Variants in RIN2 observed in about 807,000 individuals in gnomAD.
RIN2 encodes the protein RAB5 interacting protein 2.
Under a neutral mutation model 78.0 loss-of-function variants are expected in RIN2, and 36 were observed. The observed-to-expected ratio is 0.46, with a 90% CI of 0.35 to 0.61. The LOEUF is 0.61. Among genes scored for constraint, RIN2 ranks in the 20% least tolerant of loss-of-function variants. RIN2 has a pLI of 0.00. For synonymous variants in RIN2, 466 were observed against 466.8 expected (o/e 1.00, Z 0.02); for missense variants, 1,087 against 1,159.7 (o/e 0.94, Z 0.91).
intron 10 of RIN2, among the ~76,000 whole-genome samples, chr20:19,990,696 C>A: frequency 6.6e-6 from 1 of 152,076 alleles, no homozygotes; most frequent in East Asian, 1.9e-4. Context: ...CCGGATGTCA[C>A]CCTTTCTTTC....
intron 4 of RIN2, among the ~76,000 whole-genome samples, chr20:19,954,862 C>T (rs925303359): frequency 1.3e-5 from 2 of 152,080 alleles, no homozygotes; most frequent in African/African-American, 2.4e-5. Flanking sequence ...TCTTAGGCCT[C>T]GGTCTTCTCA....
chr20:19,787,626 CTGT>C (rs1172891160), intron 1 of RIN2, among the ~76,000 whole-genome samples: 2 of 152,022 alleles, frequency 1.3e-5, no homozygotes, highest in African/African-American at 4.8e-5. Flanking sequence ...GTTGCCTCAT[CTGT>C]TGTTATGAAG....
intron 1 of RIN2, among the ~76,000 whole-genome samples, chr20:19,792,416 T>G (rs2034917682): frequency 6.6e-6 from 1 of 152,102 alleles, no homozygotes; most frequent in Non-Finnish European, 1.5e-5. Flanking sequence ...TCCACCCGGG[T>G]CATCAGAGGG....
chr20:19,798,405 C>A (rs1018906266), intron 1 of RIN2, among the ~76,000 whole-genome samples: 1 of 151,526 alleles, frequency 6.6e-6, no homozygotes, highest in Non-Finnish European at 1.5e-5. Context: ...CATCTGTGTG[C>A]GAGATTTCCA....
chr20:19,946,411 G>A (rs572347769), intron 4 of RIN2, among the ~76,000 whole-genome samples: 2 of 152,170 alleles, frequency 1.3e-5, no homozygotes, highest in Non-Finnish European at 2.9e-5. Context: ...GCATGTAGAT[G>A]TATCTACAGG....
chr20:19,971,796 C>T (rs973036429), intron 8 of RIN2, among the ~76,000 whole-genome samples: 1 of 131,414 alleles, frequency 7.6e-6, no homozygotes, highest in Non-Finnish European at 1.5e-5. Flanking sequence ...GGCTGGAGTG[C>T]AGTGTTGAGA....
At chr20:19,834,073 G>T (rs144293785) in intron 2 of RIN2, among the ~76,000 whole-genome samples, 200 of 152,220 alleles carry the variant, frequency 1.3e-3, no homozygotes, top group African/African-American at 4.3e-3. Context: ...CCTTGTGCTG[G>T]GTGCAAGGTT....
chr20:19,986,524 A>G (rs914755439), intron 9 of RIN2, among the ~76,000 whole-genome samples: 1 of 152,210 alleles, frequency 6.6e-6, no homozygotes, highest in African/African-American at 2.4e-5. Context: ...AGATTTCCAC[A>G]GCCCCTTTTA....
chr20:19,881,227 T>C (rs1479059121), intron 2 of RIN2, among the ~76,000 whole-genome samples: 3 of 152,214 alleles, frequency 2.0e-5, no homozygotes, highest in Non-Finnish European at 4.4e-5. Flanking sequence ...TCCAAGTCTG[T>C]TGATGTCACA....
intron 1 of RIN2, among the ~76,000 whole-genome samples, chr20:19,788,297 T>G (rs983597826): frequency 1.3e-5 from 2 of 151,926 alleles, no homozygotes; most frequent in African/African-American, 2.4e-5. Context: ...GTTATTAAAA[T>G]TAGAAAATAA....
At chr20:19,771,858 C>T (rs965017414) in intron 1 of RIN2, among the ~76,000 whole-genome samples, 14 of 152,214 alleles carry the variant, frequency 9.2e-5, no homozygotes, top group Non-Finnish European at 4.4e-5. Context: ...TCTCCCTTCT[C>T]AAGCCTCCTG....
At chr20:19,998,486 C>A (rs889687716) in intron 12 of RIN2, among the ~76,000 whole-genome samples, 2 of 152,072 alleles carry the variant, frequency 1.3e-5, no homozygotes, top group Non-Finnish European at 2.9e-5. Flanking sequence ...TGGTGCACAC[C>A]TGTAGTCCCA....
In RIN2 at chr20:19,764,918, G is replaced by GTTTTTTTTTTTTTTTTTTTTTTT. The variant is rs10605325; in HGVS notation, c.-163+6594_-163+6616dup. Among the ~76,000 whole-genome samples, 4 of 50,390 alleles carry GTTTTTTTTTTTTTTTTTTTTTTT rather than the reference G, an allele frequency of 7.9e-5. 1 individual carries two copies. The highest frequency in any genetic ancestry group is 2.6e-4 in the African/African-American group (4 of 15,516). The allele number at this position is 50,390 out of a possible 152,430, so 33.1% of individuals were successfully genotyped here. On this transcript the variant is annotated intron_variant, in intron 1 of 12. Transcript: ENST00000255006. ...GGGCAAGTCCCACTTCACTTTCTGC[G>GTTTTTTTTTTTTTTTTTTTTTTT]TTTTTTTTTTTTTTTTTTTTTTTTT... is the stretch of plus-strand genomic sequence containing the variant.
At chr20:19,766,444 A>G (rs1379844515) in intron 1 of RIN2, among the ~76,000 whole-genome samples, 3 of 152,122 alleles carry the variant, frequency 2.0e-5, no homozygotes, top group African/African-American at 7.2e-5. Context: ...GGGCAGATTC[A>G]AGGTTGGTTC....
intron 2 of RIN2, among the ~76,000 whole-genome samples, chr20:19,802,413 T>C (rs955439843): frequency 7.3e-5 from 11 of 151,474 alleles, no homozygotes; most frequent in African/African-American, 2.7e-4. Context: ...GGCAGGAGGA[T>C]TGCTTGAGGA....
chr20:19,854,507 T>G (rs547292559), intron 2 of RIN2, among the ~76,000 whole-genome samples: 2 of 152,188 alleles, frequency 1.3e-5, no homozygotes, highest in Non-Finnish European at 2.9e-5. Flanking sequence ...TCTTCCTATC[T>G]ATGAGCATGG....
intron 3 of RIN2, among the ~76,000 whole-genome samples, chr20:19,923,929 T>C (rs914518062): frequency 6.6e-6 from 1 of 151,968 alleles, no homozygotes; most frequent in Non-Finnish European, 1.5e-5. Flanking sequence ...GCTCATTTGC[T>C]GTCCATTTGC....
chr20:19,770,019 TA>T (rs1381381002), intron 1 of RIN2, among the ~76,000 whole-genome samples: 1 of 152,228 alleles, frequency 6.6e-6, no homozygotes, highest in African/African-American at 2.4e-5. Context: ...TAAGCGCATT[TA>T]AACCTCTTGG....
intron 2 of RIN2, among the ~76,000 whole-genome samples, chr20:19,811,012 AG>A (rs2035582341): frequency 6.7e-6 from 1 of 150,134 alleles, no homozygotes; most frequent in Admixed American, 6.6e-5. Flanking sequence ...TGCCCGGCCA[AG>A]GTACTGTTTT....
Sources: allele counts gnomAD v4.1 joint callset (sites outside exome capture counted in the v4.1 genomes callset), GRCh38; gene constraint gnomAD v4.1.1; transcripts MANE v1.5; gene names NCBI Gene and HGNC (gene_info 2026-07-23, HGNC 2026-07-21).